The following FBXO34 variants were observed in gnomAD, a reference collection of about 807,000 sequenced individuals.
FBXO34 encodes the protein F-box protein 34, also known as F-box only protein 34.
In FBXO34, 12 loss-of-function variants were observed where a neutral mutation model predicts 24.5. The ratio of observed to expected loss-of-function variants is 0.49; its 90% CI spans 0.31 to 0.79. FBXO34 has a LOEUF of 0.79. FBXO34 is among the 30% of genes least tolerant of loss of function. The pLI is 0.04. For missense variants in FBXO34, 823 were observed against 857.7 expected (o/e 0.96, Z 0.51); for synonymous variants, 320 against 311.9 (o/e 1.03, Z -0.27).
the FBXO34 span, among the ~76,000 whole-genome samples, chr14:55,442,553 C>T: frequency 6.6e-6 from 1 of 152,148 alleles, no homozygotes; most frequent in African/African-American, 2.4e-5. Context: ...TAGAACGTAG[C>T]ATAGGAAGCA....
downstream of FBXO34, among the ~76,000 whole-genome samples, chr14:55,364,458 T>A (rs1485776837): frequency 3.3e-5 from 5 of 151,822 alleles, no homozygotes; most frequent in East Asian, 9.9e-4. Flanking sequence ...AGATGGAGTC[T>A]TTGTCGCCCA....
the FBXO34 span, among the ~76,000 whole-genome samples, chr14:55,439,407 G>T: frequency 6.6e-6 from 1 of 152,096 alleles, no homozygotes; most frequent in African/African-American, 2.4e-5. Context: ...GGGGACAGGG[G>T]CTCTCTGTTT....
chr14:55,411,518 G>T, the FBXO34 span: 2 of 1,336,564 alleles, frequency 1.5e-6, no homozygotes, highest in South Asian at 1.4e-5. Flanking sequence ...GTGCCCGGAC[G>T]GGGAGCCCCA....
intron 1 of FBXO34, among the ~76,000 whole-genome samples, chr14:55,301,943 GGCATTAGATCAGTTCTAA>G (rs1301311166): frequency 6.6e-6 from 1 of 152,198 alleles, no homozygotes; most frequent in Non-Finnish European, 1.5e-5. Flanking sequence ...TCAGCAGATA[GGCATTAGATCAGTTCTAA>G]GCATATAGGA....
At chr14:55,346,236 G>T (rs536060332) in intron 1 of FBXO34, among the ~76,000 whole-genome samples, 2 of 152,328 alleles carry the variant, frequency 1.3e-5, no homozygotes, top group African/African-American at 4.8e-5. Flanking sequence ...AAAGCTGTCA[G>T]GTTGGCTGGA....
chr14:55,304,071 T>C (rs1344931211), intron 1 of FBXO34, among the ~76,000 whole-genome samples: 1 of 152,096 alleles, frequency 6.6e-6, no homozygotes, highest in Non-Finnish European at 1.5e-5. Context: ...TACAGTGACA[T>C]GTGTGCGGTT....
At chr14:55,432,841 A>G in the FBXO34 span, among the ~76,000 whole-genome samples, 1 of 152,176 alleles carries the variant, frequency 6.6e-6, no homozygotes, top group African/African-American at 2.4e-5. Flanking sequence ...ATACCCATCA[A>G]CACAGGGCTT....
downstream of FBXO34, among the ~76,000 whole-genome samples, chr14:55,356,716 C>A (rs553845579): frequency 2.6e-5 from 4 of 152,080 alleles, no homozygotes; most frequent in Non-Finnish European, 5.9e-5. Context: ...CCTCAGCCTC[C>A]CAAAGTGCTG....
intron 1 of FBXO34, among the ~76,000 whole-genome samples, chr14:55,290,911 C>A (rs575964278): frequency 2.0e-5 from 3 of 152,158 alleles, no homozygotes; most frequent in Non-Finnish European, 2.9e-5. Context: ...CTTCTGCCTC[C>A]GGAGTTCAAG....
chr14:55,420,453 G>A, the FBXO34 span, among the ~76,000 whole-genome samples: 2 of 152,340 alleles, frequency 1.3e-5, no homozygotes, highest in Admixed American at 6.5e-5. Context: ...CCTAAACTGC[G>A]TAGCTCTAGG....
chr14:55,405,421 G>A, the FBXO34 span, among the ~76,000 whole-genome samples: 2 of 152,200 alleles, frequency 1.3e-5, no homozygotes, highest in Admixed American at 1.3e-4. Flanking sequence ...AAACTTGTCA[G>A]TGAAGGTAAT....
chr14:55,383,089 G>A, the FBXO34 span, among the ~76,000 whole-genome samples: 2 of 152,204 alleles, frequency 1.3e-5, no homozygotes, highest in African/African-American at 4.8e-5. Flanking sequence ...GTGCAGCTCA[G>A]TCTCTCAAGT....
the FBXO34 span, chr14:55,440,276 G>A: frequency 1.7e-5 from 22 of 1,283,832 alleles, no homozygotes; most frequent in South Asian, 2.9e-4. Context: ...TTAATGACTT[G>A]GGAAACCAAG....
the FBXO34 span, chr14:55,378,154 A>C: frequency 8.3e-7 from 1 of 1,198,966 alleles, no homozygotes; most frequent in South Asian, 1.3e-5. Context: ...CAGTACAATT[A>C]GGTATAACAC....
At chr14:55,281,376 G>C (rs1446882471) in intron 1 of FBXO34, among the ~76,000 whole-genome samples, 1 of 151,404 alleles carries the variant, frequency 6.6e-6, no homozygotes, top group Admixed American at 6.6e-5. Context: ...AATGATCATT[G>C]TGAATTTAGA....
chr14:55,420,322 G>C, the FBXO34 span, among the ~76,000 whole-genome samples: 1 of 152,234 alleles, frequency 6.6e-6, no homozygotes, highest in Non-Finnish European at 1.5e-5. Flanking sequence ...TGGGATTACA[G>C]GCGTGAGCAC....
At chr14:55,428,687 G>T in the FBXO34 span, 1 of 1,084,346 alleles carries the variant, frequency 9.2e-7, no homozygotes, top group Non-Finnish European at 1.3e-6. Context: ...TTTCACTATT[G>T]TGTCCCCCGC....
chr14:55,397,277 T>C, the FBXO34 span: 1 of 1,060,432 alleles, frequency 9.4e-7, no homozygotes. Flanking sequence ...ATTCAGTAAG[T>C]TAGCAATCCG....
chr14:55,362,177 T>C (rs1884602396), downstream of FBXO34, among the ~76,000 whole-genome samples: 1 of 152,186 alleles, frequency 6.6e-6, no homozygotes, highest in Non-Finnish European at 1.5e-5. Context: ...GATTTCAATA[T>C]TGTTGTGTCT....
Sources: allele counts gnomAD v4.1 joint callset (sites outside exome capture counted in the v4.1 genomes callset), GRCh38; gene constraint gnomAD v4.1.1; transcripts MANE v1.5; gene names NCBI Gene and HGNC (gene_info 2026-07-23, HGNC 2026-07-21).